Variants in ODF2L observed in about 807,000 individuals in gnomAD.
ODF2L encodes protein BCAP.
A neutral mutation model predicts 86.3 loss-of-function variants in ODF2L; 76 were observed. The observed-to-expected ratio is 0.88, with a 90% CI of 0.73 to 1.07. The LOEUF is 1.07. Ranked by LOEUF, ODF2L falls within the 50% of genes least tolerant of loss-of-function variation. The pLI, the probability that ODF2L is intolerant of heterozygous loss-of-function variation, is 0.00. For synonymous variants in ODF2L, 241 were observed against 231.3 expected (o/e 1.04, Z -0.38); for missense variants, 748 against 717.4 (o/e 1.04, Z -0.49).
intron 10 of ODF2L, chr1:86,368,827 G>A (rs925158857): frequency 5.2e-5 from 50 of 962,048 alleles, no homozygotes; most frequent in Non-Finnish European, 6.9e-5. Context: ...CCAACAAATA[G>A]GGAATCACCT....
chr1:86,393,585 G>A (rs1192679335), intron 1 of ODF2L, among the ~76,000 whole-genome samples: 1 of 152,222 alleles, frequency 6.6e-6, no homozygotes. Context: ...AATATAGGAA[G>A]AAGAGTTGAC....
chr1:86,384,901 A>C, intron 3 of ODF2L, 100 bp from the exon 4 acceptor site: 4 of 929,746 alleles, frequency 4.3e-6, no homozygotes, highest in South Asian at 3.0e-5. Flanking sequence ...ACTAAACAAA[A>C]TCATTCTTTT....
chr1:86,386,874 G>C (rs182348751), intron 2 of ODF2L, 41 bp downstream of exon 2: 2 of 1,003,232 alleles, frequency 2.0e-6, no homozygotes, highest in East Asian at 5.0e-5. Flanking sequence ...GGAAATCCTA[G>C]AATCGGAAAT....
At chr1:86,382,970 G>C (rs778523429) in exon 6 of ODF2L, 4 of 1,570,532 alleles carry the variant, frequency 2.5e-6, no homozygotes, top group Middle Eastern at 1.7e-4. Flanking sequence ...CTTGGATATG[G>C]GCCTCCTTTT....
downstream of ODF2L, chr1:86,348,986 GATTT>G: frequency 8.3e-7 from 1 of 1,200,510 alleles, no homozygotes; most frequent in Non-Finnish European, 1.1e-6. Flanking sequence ...AATTCTTTTT[GATTT>G]TTTAAAATAA....
intron 1 of ODF2L, among the ~76,000 whole-genome samples, chr1:86,393,877 G>A (rs940953521): frequency 2.0e-5 from 3 of 152,112 alleles, no homozygotes. Flanking sequence ...ATATAAGTTA[G>A]GGTGACTAAA....
chr1:86,362,353 G>C (rs4656026), intron 11 of ODF2L, among the ~76,000 whole-genome samples: 48,076 of 151,640 alleles, frequency 0.32, 7,742 homozygotes, highest in East Asian at 0.41. Context: ...GAGGGCAATA[G>C]TGTAATCATG....
chr1:86,392,039 A>C (rs951541199), intron 1 of ODF2L, among the ~76,000 whole-genome samples: 5 of 152,366 alleles, frequency 3.3e-5, no homozygotes, highest in East Asian at 3.9e-4. Context: ...GGACATGAAT[A>C]GACAATTCTC....
At chr1:86,368,534 T>C in intron 11 of ODF2L, 1 of 1,120,348 alleles carries the variant, frequency 8.9e-7, no homozygotes, top group Non-Finnish European at 1.1e-6. Context: ...ATAGATAACA[T>C]TTTTACCTGC....
chr1:86,389,110 T>C (rs1661142329), intron 1 of ODF2L, among the ~76,000 whole-genome samples: 2 of 152,148 alleles, frequency 1.3e-5, no homozygotes, highest in South Asian at 4.1e-4. Flanking sequence ...TTATTTAGCA[T>C]AAAAAGTCCT....
At chr1:86,395,067 T>A (rs1332995831) in intron 1 of ODF2L, among the ~76,000 whole-genome samples, 1 of 152,000 alleles carries the variant, frequency 6.6e-6, no homozygotes, top group Admixed American at 6.5e-5. Context: ...ATGGTCTCGA[T>A]CTCCTAACCT....
chr1:86,394,117 GGTT>G (rs1391330331), intron 1 of ODF2L, among the ~76,000 whole-genome samples: 1 of 152,070 alleles, frequency 6.6e-6, no homozygotes, highest in Non-Finnish European at 1.5e-5. Flanking sequence ...AGCTTCACAA[GGTT>G]GTTATTAAAA....
chr1:86,371,335 C>A (rs1480271754), intron 9 of ODF2L, among the ~76,000 whole-genome samples, 182 bp from the exon 10 acceptor site: 4 of 152,080 alleles, frequency 2.6e-5, no homozygotes, highest in Non-Finnish European at 5.9e-5. Flanking sequence ...AAGGGTACAA[C>A]CAAAGTAACT....
chr1:86,387,507 T>C (rs1661036773), intron 1 of ODF2L, among the ~76,000 whole-genome samples: 1 of 152,224 alleles, frequency 6.6e-6, no homozygotes, highest in Admixed American at 6.5e-5. Flanking sequence ...CTTTTCAAAG[T>C]ACTTGGCAAC....
At chr1:86,360,566 C>A in intron 11 of ODF2L, 30 bp from the exon 11 acceptor site, 2 of 962,232 alleles carry the variant, frequency 2.1e-6, no homozygotes, top group South Asian at 2.9e-5. Flanking sequence ...TTTTATAAGT[C>A]ATTAGAATAC....
downstream of ODF2L, chr1:86,348,665 A>G (rs1169976638): frequency 8.7e-6 from 10 of 1,145,812 alleles, no homozygotes; most frequent in Non-Finnish European, 1.0e-5. Flanking sequence ...ATAAAATGTA[A>G]CTGGTAGTAT....
intron 1 of ODF2L, among the ~76,000 whole-genome samples, chr1:86,387,435 T>C (rs1009620813): frequency 6.6e-6 from 1 of 152,214 alleles, no homozygotes; most frequent in Non-Finnish European, 1.5e-5. Context: ...CTATAGTCTG[T>C]CTTATTAGGC....
intron 8 of ODF2L, among the ~76,000 whole-genome samples, chr1:86,373,516 T>C (rs1331373338): frequency 6.7e-6 from 1 of 149,248 alleles, no homozygotes; most frequent in African/African-American, 2.4e-5. Context: ...TATACATATA[T>C]ATTGATATAT....
intron 7 of ODF2L, 38 bp from the exon 8 acceptor site, chr1:86,376,456 A>G: frequency 7.7e-7 from 1 of 1,306,018 alleles, no homozygotes; most frequent in East Asian, 2.3e-5. Flanking sequence ...TTATTTCAGA[A>G]CTCCAATGTT....
Sources: allele counts gnomAD v4.1 joint callset (sites outside exome capture counted in the v4.1 genomes callset), GRCh38; gene constraint gnomAD v4.1.1; transcripts MANE v1.5; gene names NCBI Gene and HGNC (gene_info 2026-07-23, HGNC 2026-07-21).